SNCAIP: variants seen among roughly 807,000 people sequenced by gnomAD.
SNCAIP encodes the protein synphilin-1.
A neutral mutation model predicts 86.7 loss-of-function variants in SNCAIP; 43 were observed. That is an observed-to-expected ratio of 0.50 (90% confidence interval 0.39 to 0.64). The LOEUF is 0.64. SNCAIP is among the 30% of genes least tolerant of loss of function. The probability of loss-of-function intolerance (pLI) is 0.00; values close to 1 mark genes in which losing one functional copy is unlikely to be tolerated. For missense variants in SNCAIP, 981 were observed against 1,103.1 expected (o/e 0.89, Z 1.57); for synonymous variants, 417 against 427.2 (o/e 0.98, Z 0.29).
intron 1 of SNCAIP, among the ~76,000 whole-genome samples, chr5:122,367,376 A>C (rs747034393): frequency 2.0e-5 from 3 of 152,204 alleles, no homozygotes; most frequent in Non-Finnish European, 4.4e-5. Flanking sequence ...TTAGGAACTA[A>C]AAGGAAGACA....
chr5:122,378,815 G>C (rs1765970024), intron 1 of SNCAIP, among the ~76,000 whole-genome samples: 2 of 145,328 alleles, frequency 1.4e-5, no homozygotes. Flanking sequence ...CCCATTGCTT[G>C]TTTTTCTCAG....
intron 6 of SNCAIP, among the ~76,000 whole-genome samples, chr5:122,437,609 G>A (rs77879852): frequency 0.012 from 1,753 of 152,242 alleles, 13 homozygotes; most frequent in Non-Finnish European, 0.014. Context: ...GAGGTGCTAG[G>A]CAAAACCTTG....
intron 2 of SNCAIP, among the ~76,000 whole-genome samples, chr5:122,402,957 A>G (rs781054183): frequency 1.3e-5 from 2 of 152,208 alleles, no homozygotes; most frequent in Non-Finnish European, 2.9e-5. Context: ...TTGGCCTTTG[A>G]TTAAAGAACA....
intron 1 of SNCAIP, among the ~76,000 whole-genome samples, chr5:122,348,889 G>A (rs570062951): frequency 1.6e-4 from 25 of 152,210 alleles, no homozygotes; most frequent in African/African-American, 5.5e-4. Flanking sequence ...AAAAAAATAC[G>A]TCCTGAAAAA....
chr5:122,383,587 T>C (rs1767454522), intron 1 of SNCAIP: 1 of 152,632 alleles, frequency 6.6e-6, no homozygotes, highest in African/African-American at 2.4e-5. Context: ...TAAAGGTACA[T>C]AAAATATGTA....
chr5:122,338,073 G>T (rs536529644), intron 1 of SNCAIP, among the ~76,000 whole-genome samples: 1 of 152,074 alleles, frequency 6.6e-6, no homozygotes, highest in African/African-American at 2.4e-5. Context: ...AATCTCAACC[G>T]GAAGTATTTT....
At chr5:122,453,533 C>T (rs531948062) in intron 10 of SNCAIP, among the ~76,000 whole-genome samples, 1 of 152,198 alleles carries the variant, frequency 6.6e-6, no homozygotes, top group South Asian at 2.1e-4. Flanking sequence ...TATGAGTGCC[C>T]TCTAATAAAA....
intron 1 of SNCAIP, among the ~76,000 whole-genome samples, chr5:122,316,252 A>G (rs984920570): frequency 7.2e-5 from 11 of 152,160 alleles, no homozygotes; most frequent in Non-Finnish European, 1.6e-4. Flanking sequence ...CAGAACCACT[A>G]CTCTCAGGAT....
chr5:122,323,054 G>A (rs1580765563), intron 1 of SNCAIP, among the ~76,000 whole-genome samples: 1 of 152,274 alleles, frequency 6.6e-6, no homozygotes, highest in East Asian at 1.9e-4. Context: ...TCGAAGTGGT[G>A]AAAGGTTTAA....
intron 1 of SNCAIP, among the ~76,000 whole-genome samples, chr5:122,353,229 A>G (rs1212192950): frequency 6.6e-6 from 1 of 152,126 alleles, no homozygotes; most frequent in African/African-American, 2.4e-5. Context: ...TGTACATACC[A>G]TGTGATTCCA....
At chr5:122,423,941 G>C (rs1776885281) in intron 4 of SNCAIP, among the ~76,000 whole-genome samples, 1 of 152,224 alleles carries the variant, frequency 6.6e-6, no homozygotes, top group South Asian at 2.1e-4. Flanking sequence ...AATAACTATA[G>C]AGGGAGTGTT....
intron 10 of SNCAIP, among the ~76,000 whole-genome samples, chr5:122,452,611 C>G (rs1471605241): frequency 6.6e-6 from 1 of 152,158 alleles, no homozygotes. Flanking sequence ...TGTAAATTGT[C>G]CTTGTTATAG....
At position 122,463,738 on chromosome 5, in the gene SNCAIP, T is replaced by C; in HGVS notation, c.*242T>C. ...AGTAGTAGACTGTAAAAGATTCATT[T>C]TGGGGTGATATCTGTATATATAACT... On this transcript the variant is annotated 3_prime_UTR_variant, in exon 11 of 11. Transcript: ENST00000261368. The C allele has an allele frequency of 2.0e-6, 1 of 508,858 alleles. No homozygotes were observed. Among genetic ancestry groups the C allele is most frequent in the South Asian group, 3.5e-5 (1 of 28,404 alleles). The allele number at this position is 508,858 out of a possible 1,614,324, so 31.5% of individuals were successfully genotyped here.
At chr5:122,419,748 C>G (rs1455648642) in intron 3 of SNCAIP, among the ~76,000 whole-genome samples, 1 of 152,038 alleles carries the variant, frequency 6.6e-6, no homozygotes, top group Non-Finnish European at 1.5e-5. Context: ...CAAAATTTTT[C>G]TAGTAACAAA....
At chr5:122,443,498 A>G (rs1217813340) in intron 7 of SNCAIP, 1 of 403,348 alleles carries the variant, frequency 2.5e-6, no homozygotes, top group South Asian at 1.8e-5. Context: ...TCTTATGACT[A>G]TTAAAATTTA....
At chr5:122,331,272 G>A (rs777183380) in intron 1 of SNCAIP, among the ~76,000 whole-genome samples, 1 of 152,152 alleles carries the variant, frequency 6.6e-6, no homozygotes, top group Non-Finnish European at 1.5e-5. Context: ...TAATTCCTGT[G>A]TGACGTGAAA....
intron 6 of SNCAIP, among the ~76,000 whole-genome samples, chr5:122,437,979 A>AT (rs568548692): frequency 6.6e-6 from 1 of 152,118 alleles, no homozygotes; most frequent in Admixed American, 6.5e-5. Flanking sequence ...AATAAAGGGC[A>AT]TTTTTTTGTG....
At chr5:122,313,195 G>A (rs895097125) in intron 1 of SNCAIP, among the ~76,000 whole-genome samples, 1 of 152,246 alleles carries the variant, frequency 6.6e-6, no homozygotes, top group African/African-American at 2.4e-5. Context: ...CTTTCCTTGG[G>A]AAAGTTAATT....
chr5:122,414,566 G>T (rs1774898486), intron 3 of SNCAIP, among the ~76,000 whole-genome samples: 1 of 152,256 alleles, frequency 6.6e-6, no homozygotes, highest in East Asian at 1.9e-4. Context: ...CACACAGAAG[G>T]TTCCTAGTAA....
Sources: gnomAD v4.1 joint callset for allele counts (sites outside exome capture counted in the v4.1 genomes callset) on GRCh38, gnomAD v4.1.1 for gene constraint, MANE v1.5 for transcripts, NCBI Gene and HGNC (gene_info 2026-07-23, HGNC 2026-07-21) for gene names.